The following ATP8A2 variants were observed in gnomAD, a reference collection of about 807,000 sequenced individuals.
ATP8A2 encodes the protein phospholipid-transporting ATPase IB.
In ATP8A2, 100 loss-of-function variants were observed where a neutral mutation model predicts 165.6. That is an observed-to-expected ratio of 0.60 (90% CI 0.51 to 0.71). The LOEUF is 0.71. Among genes scored for constraint, ATP8A2 ranks in the 30% least tolerant of loss-of-function variants. ATP8A2 has a pLI of 0.00. For synonymous variants in ATP8A2, 543 were observed against 548.8 expected, an observed-to-expected ratio of 0.99 and a Z score of 0.15; for missense variants, 1,227 against 1,479.5, an observed-to-expected ratio of 0.83 and a Z score of 2.80.
At chr13:25,945,513 CAT>C (rs1474721793) in intron 33 of ATP8A2, among the ~76,000 whole-genome samples, 2 of 152,156 alleles carry the variant, frequency 1.3e-5, no homozygotes, top group Non-Finnish European at 2.9e-5. Flanking sequence ...ACTGGGTTAT[CAT>C]AAAATCTTTA....
chr13:25,982,159 C>T (rs933211711), intron 35 of ATP8A2, among the ~76,000 whole-genome samples: 2 of 152,190 alleles, frequency 1.3e-5, no homozygotes, highest in African/African-American at 4.8e-5. Flanking sequence ...CTTGCTCTGT[C>T]TCACCTATTC....
intron 8 of ATP8A2, among the ~76,000 whole-genome samples, chr13:25,540,856 T>A (rs2038451913): frequency 6.6e-6 from 1 of 151,862 alleles, no homozygotes; most frequent in South Asian, 2.1e-4. Flanking sequence ...AAGAATAGTC[T>A]TTTTTGGTTC....
chr13:25,500,361 G>A (rs1410752602), intron 2 of ATP8A2, among the ~76,000 whole-genome samples: 2 of 152,154 alleles, frequency 1.3e-5, no homozygotes, highest in Non-Finnish European at 2.9e-5. Context: ...CATAGGATAT[G>A]CAGGTAAGAT....
intron 2 of ATP8A2, among the ~76,000 whole-genome samples, chr13:25,510,435 ATAAAGTGATTTCCATT>A (rs2037188654): frequency 6.6e-6 from 1 of 152,238 alleles, no homozygotes; most frequent in South Asian, 2.1e-4. Context: ...ACGTTTTAGA[ATAAAGTGATTTCCATT>A]TAAAGGGGAA....
rs147693874 is a variant in ATP8A2, at chr13:25,448,744, G to C, written c.77-20233G>C. On this transcript the variant is annotated intron_variant, in intron 1 of 36. Transcript: ENST00000381655. ...GGCTCACTGCCACCTCTGCCTCCCA[G>C]GTTCAAGTGATTGTCCTTTCTCAGC... is the stretch of plus-strand genomic sequence containing the variant. Among the ~76,000 whole-genome samples, 663 of 152,284 alleles carry C rather than the reference G, an allele frequency of 4.4e-3. 3 individuals are homozygous for C. Among genetic ancestry groups the C allele is most frequent in the Non-Finnish European group, 7.2e-3 (489 of 68,034 alleles).
At chr13:25,707,909 C>G (rs1008884937) in intron 25 of ATP8A2, among the ~76,000 whole-genome samples, 1 of 152,144 alleles carries the variant, frequency 6.6e-6, no homozygotes, top group African/African-American at 2.4e-5. Flanking sequence ...TGGCAGTAGT[C>G]TAAGAACTAT....
chr13:25,765,473 T>A (rs79302723), intron 25 of ATP8A2, among the ~76,000 whole-genome samples: 2 of 152,206 alleles, frequency 1.3e-5, no homozygotes, highest in Non-Finnish European at 2.9e-5. Flanking sequence ...ATGGCTAAAG[T>A]GGAGTGGTGC....
chr13:25,443,739 T>C (rs1043832587), intron 1 of ATP8A2, among the ~76,000 whole-genome samples: 11 of 152,230 alleles, frequency 7.2e-5, no homozygotes, highest in African/African-American at 2.4e-4. Flanking sequence ...GTTTATTGTC[T>C]CTCTTTCCTC....
At chr13:25,695,876 C>G (rs1457233821) in intron 24 of ATP8A2, among the ~76,000 whole-genome samples, 2 of 152,202 alleles carry the variant, frequency 1.3e-5, no homozygotes, top group African/African-American at 4.8e-5. Context: ...CTTTTGACCT[C>G]CTCCCATGAA....
chr13:25,882,045 T>C (rs1952993817), intron 33 of ATP8A2, among the ~76,000 whole-genome samples: 2 of 152,100 alleles, frequency 1.3e-5, no homozygotes, highest in African/African-American at 4.8e-5. Flanking sequence ...TCAATTATGC[T>C]CATTAATTCA....
rs552014401 is a variant in ATP8A2 at position 25,707,112 on chromosome 13, A to G, written c.2384+7767A>G. Among the ~76,000 whole-genome samples, 12 of 152,294 alleles carry G rather than the reference A, an allele frequency of 7.9e-5. 1 individual carries two copies. The South Asian group carries it at 2.3e-3, about 29-fold the overall frequency. On this transcript the variant is annotated intron_variant, in intron 25 of 36. Transcript: ENST00000381655. ...ACTAGACTGATGCAGATTTTGTAGT[A>G]TATTAAAAATAGCTCACGTGAATCA...
rs1194015703 is a variant in ATP8A2 at position 25,961,652 on chromosome 13, G to C, written c.3261G>C (p.Val1087=). 1.2e-6 allele frequency: 2 copies of C among 1,613,014 alleles called. No homozygotes were observed. Among genetic ancestry groups the C allele is most frequent in the Admixed American group, 3.3e-5 (2 of 59,990 alleles). The change falls in exon 34 of 37, where the codon GTG becomes GTC. Residue 1087 remains valine, a synonymous_variant. Transcript: ENST00000381655. ...LVPTACLIED[V]AWRAAKHTCK... is the part of the protein sequence containing the mutation. ...CTACTGCCTGTTTGATTGAAGATGT[G>C]GCATGGAGAGCGTAAGTTTAACAGT...
At chr13:25,894,999 C>T (rs1300603075) in intron 33 of ATP8A2, among the ~76,000 whole-genome samples, 2 of 152,140 alleles carry the variant, frequency 1.3e-5, no homozygotes, top group Non-Finnish European at 2.9e-5. Context: ...ATTTGACTTC[C>T]TCTTTTCCTA....
intron 33 of ATP8A2, among the ~76,000 whole-genome samples, chr13:25,916,863 A>G (rs1954283375): frequency 1.3e-5 from 2 of 151,830 alleles, no homozygotes; most frequent in East Asian, 3.9e-4. Context: ...TCTTATCTCT[A>G]TTTATGTTTT....
intron 25 of ATP8A2, among the ~76,000 whole-genome samples, chr13:25,739,114 G>A (rs2043851614): frequency 1.3e-5 from 2 of 152,204 alleles, no homozygotes; most frequent in Non-Finnish European, 2.9e-5. Flanking sequence ...ATTTGAGCAG[G>A]GGAAGAAAAT....
At chr13:25,570,705 T>G in intron 16 of ATP8A2, 62 bp from the exon 17 acceptor site, 1 of 1,303,064 alleles carries the variant, frequency 7.7e-7, no homozygotes, top group South Asian at 1.3e-5. Context: ...GATCTGCTTG[T>G]GTGAGCCCTG....
rs192990172 is a variant in ATP8A2, at chr13:25,630,355, G to T, written c.2211+40656G>T. On this transcript the variant is annotated intron_variant, in intron 24 of 36. Transcript: ENST00000381655. ...TTGTTGCGTGTGTCCAGGAGAAGTG[G>T]CAGCGTTGATCTCCATAGAGATGAC... is the stretch of plus-strand genomic sequence containing the variant. Among the ~76,000 whole-genome samples the T allele has an allele frequency of 1.9e-3, 291 of 152,258 alleles. 3 individuals are homozygous for T. The highest frequency in any genetic ancestry group is 6.8e-3 in the African/African-American group (283 of 41,564).
At chr13:25,550,355 G>A (rs1335074403) in intron 10 of ATP8A2, among the ~76,000 whole-genome samples, 1 of 152,070 alleles carries the variant, frequency 6.6e-6, no homozygotes, top group Non-Finnish European at 1.5e-5. Context: ...GTAGGATGTG[G>A]GCATTACTGG....
At chr13:25,444,884 T>C (rs1224237672) in intron 1 of ATP8A2, among the ~76,000 whole-genome samples, 1 of 152,142 alleles carries the variant, frequency 6.6e-6, no homozygotes, top group Admixed American at 6.5e-5. Context: ...ATGATCCACC[T>C]GCCTCAGCCT....
Sources: allele counts gnomAD v4.1 joint callset (sites outside exome capture counted in the v4.1 genomes callset), GRCh38; gene constraint gnomAD v4.1.1; transcripts MANE v1.5; gene names NCBI Gene and HGNC (gene_info 2026-07-23, HGNC 2026-07-21).